NBEA: variants seen among roughly 807,000 people sequenced by gnomAD.
NBEA encodes the protein lysosomal-trafficking regulator 2.
In NBEA, 44 loss-of-function variants were observed where a neutral mutation model predicts 343.4. That is an observed-to-expected ratio of 0.13 (90% CI 0.10 to 0.16). The LOEUF (loss-of-function observed/expected upper bound fraction) is 0.16. Ranked by LOEUF, NBEA falls within the 10% of genes least tolerant of loss-of-function variation. The pLI, the probability that NBEA is intolerant of heterozygous loss-of-function variation, is 1.00. For synonymous variants in NBEA, 1,175 were observed against 1,238.7 expected (o/e 0.95, Z 1.08); for missense variants, 2,555 against 3,631.3 (o/e 0.70, Z 7.62).
At chr13:35,143,572 A>G (rs1352725575) in intron 18 of NBEA, among the ~76,000 whole-genome samples, 1 of 152,224 alleles carries the variant, frequency 6.6e-6, no homozygotes, top group Non-Finnish European at 1.5e-5. Context: ...GTACTACTAA[A>G]TATCCATAAT....
At chr13:35,436,044 T>A (rs1162796661) in intron 39 of NBEA, among the ~76,000 whole-genome samples, 1 of 151,726 alleles carries the variant, frequency 6.6e-6, no homozygotes, top group African/African-American at 2.4e-5. Context: ...AATATAATAT[T>A]GTGGGAAGAC....
chr13:35,059,521 T>C (rs1439174327), intron 8 of NBEA, among the ~76,000 whole-genome samples: 1 of 151,894 alleles, frequency 6.6e-6, no homozygotes, highest in Admixed American at 6.6e-5. Context: ...CATTGGGAAT[T>C]GTAAAGTCTC....
intron 38 of NBEA, among the ~76,000 whole-genome samples, chr13:35,401,331 T>C (rs181772700): frequency 1.5e-3 from 223 of 152,078 alleles, no homozygotes; most frequent in Admixed American, 3.5e-3. Context: ...CCCTGCCTCA[T>C]AGTAAATGAT....
Position 35,208,713 on chromosome 13 carries a change from C to G in NBEA, c.5380C>G (p.Pro1794Ala). The change falls in exon 32 of 59, where the codon CCT becomes GCT. Residue 1794 changes from proline to alanine, a missense_variant. This residue lies in a region of NBEA where 270 missense variants were observed against 293.3 expected (regional missense o/e 0.92). Coordinates refer to ENST00000379939, the MANE Select transcript of NBEA (RefSeq NM_001385012.1). ...FHSFDRSVVVPVKKPPPGSLA... is the reference protein window; with the variant it reads ...FHSFDRSVVVAVKKPPPGSLA... ...ATTTCTTTGCAGGAGTGTTGTGGTG[C>G]CTGTAAAGAAACCACCTCCAGGTAG... 1 of 1,596,668 alleles carries G rather than the reference C, an allele frequency of 6.3e-7. No homozygotes were observed. Among genetic ancestry groups the G allele is most frequent in the East Asian group, 2.3e-5 (1 of 44,386 alleles).
intron 38 of NBEA, among the ~76,000 whole-genome samples, chr13:35,392,695 C>G (rs1405174702): frequency 6.6e-6 from 1 of 152,130 alleles, no homozygotes; most frequent in Non-Finnish European, 1.5e-5. Flanking sequence ...AAGAACCGTG[C>G]TAACGGTACA....
intron 38 of NBEA, among the ~76,000 whole-genome samples, chr13:35,356,146 G>C (rs1317397836): frequency 1.3e-5 from 2 of 151,934 alleles, no homozygotes; most frequent in Non-Finnish European, 2.9e-5. Context: ...ACCTATCATG[G>C]AATAATAGAA....
At chr13:35,014,002 T>G (rs1435464464) in intron 1 of NBEA, among the ~76,000 whole-genome samples, 1 of 152,198 alleles carries the variant, frequency 6.6e-6, no homozygotes, top group African/African-American at 2.4e-5. Flanking sequence ...GTTAAATGCC[T>G]GACCCGTTTA....
chr13:35,412,366 G>T (rs186599826), intron 38 of NBEA, among the ~76,000 whole-genome samples: 60 of 152,210 alleles, frequency 3.9e-4, no homozygotes, highest in African/African-American at 1.4e-3. Flanking sequence ...AACATATTTT[G>T]TAATCATGTT....
At chr13:34,950,808 G>T (rs1220511741) in intron 1 of NBEA, among the ~76,000 whole-genome samples, 2 of 152,070 alleles carry the variant, frequency 1.3e-5, no homozygotes, top group Non-Finnish European at 2.9e-5. Context: ...GAAATGACCA[G>T]CTGGTCATGG....
intron 1 of NBEA, among the ~76,000 whole-genome samples, chr13:34,995,374 T>G (rs1212172889): frequency 6.6e-6 from 1 of 151,694 alleles, no homozygotes; most frequent in Non-Finnish European, 1.5e-5. Flanking sequence ...GGAGCTGAGA[T>G]TGTGCCACTG....
At chr13:35,627,802 ATAT>A (rs2153065370) in intron 48 of NBEA, among the ~76,000 whole-genome samples, 1 of 152,274 alleles carries the variant, frequency 6.6e-6, no homozygotes, top group East Asian at 1.9e-4. Context: ...ATGTTAAATC[ATAT>A]TATGTACCTA....
intron 35 of NBEA, among the ~76,000 whole-genome samples, chr13:35,297,485 T>C (rs942748142): frequency 6.6e-6 from 1 of 152,048 alleles, no homozygotes; most frequent in African/African-American, 2.4e-5. Context: ...ATGGAGAAAA[T>C]AAGTATTGTA....
chr13:35,413,330 A>G (rs776467169), intron 38 of NBEA, among the ~76,000 whole-genome samples: 38 of 152,168 alleles, frequency 2.5e-4, no homozygotes, highest in Non-Finnish European at 4.6e-4. Flanking sequence ...CTTGTAGCCA[A>G]AGGGAAATTC....
chr13:35,131,440 G>A (rs1228004657), intron 17 of NBEA, among the ~76,000 whole-genome samples: 1 of 152,070 alleles, frequency 6.6e-6, no homozygotes. Flanking sequence ...ATTAACAAAG[G>A]AGAATAGCTA....
intron 10 of NBEA, among the ~76,000 whole-genome samples, chr13:35,080,454 C>A (rs1430210176): frequency 6.6e-6 from 1 of 152,096 alleles, no homozygotes; most frequent in African/African-American, 2.4e-5. Flanking sequence ...AGGTTATGAG[C>A]AAAACCTCTG....
Position 35,313,835 on chromosome 13 carries a change from A to G in NBEA, c.5903+4243A>G, listed in dbSNP as rs78860530. Among the ~76,000 whole-genome samples the G allele has an allele frequency of 9.9e-3, 1,501 of 152,330 alleles. 27 individuals carry two copies. The highest frequency in any genetic ancestry group is 0.034 in the African/African-American group (1,428 of 41,578). On this transcript the variant is annotated intron_variant, in intron 36 of 58. Transcript: ENST00000379939. ...TTGCTTTGAGTTGAAGAGCTAGCCC[A>G]AAATGAAATACAGACAGCAAGTACT...
chr13:35,335,440 G>T lies in NBEA; in HGVS notation c.5904-13668G>T, dbSNP rs143318204. On this transcript the variant is annotated intron_variant, in intron 36 of 58. Transcript: ENST00000379939. ...TCTGTAGATTGCTCTGGATAGTATG[G>T]TCATTTTAACACTGTTGATTCTTCC... 2.0e-5 allele frequency among the ~76,000 whole-genome samples: 3 copies of T among 152,124 alleles called. No individual in the cohort carries two copies. The East Asian group carries it at 5.8e-4, about 29-fold the overall frequency.
chr13:35,069,853 T>C lies in NBEA; in HGVS notation c.1240-55T>C, dbSNP rs796544073. ...TAAATGTTTCTCTGCTTTAAAACTTTTGAGTGTAATTGTTGCTTTTAAAAA... is the reference window on the plus strand; with the variant it reads ...TAAATGTTTCTCTGCTTTAAAACTTCTGAGTGTAATTGTTGCTTTTAAAAA... On this transcript the variant is annotated intron_variant, in intron 8 of 58. Transcript: ENST00000379939. The C allele has an allele frequency of 9.5e-6, 12 of 1,269,358 alleles. 1 individual carries two copies. The African/African-American group carries it at 1.5e-4, about 16-fold the overall frequency. The allele number at this position is 1,269,358 out of a possible 1,614,324, so 78.6% of individuals were successfully genotyped here.
At chr13:35,296,832 A>G (rs942981649) in intron 35 of NBEA, among the ~76,000 whole-genome samples, 2 of 151,908 alleles carry the variant, frequency 1.3e-5, no homozygotes, top group Non-Finnish European at 2.9e-5. Context: ...ACATATTTCA[A>G]TATGCTTTAT....
Sources: gnomAD v4.1 joint callset for allele counts (sites outside exome capture counted in the v4.1 genomes callset) on GRCh38, gnomAD v4.1.1 for gene constraint, gnomAD v4.1.1 regional missense constraint, MANE v1.5 for transcripts, NCBI Gene and HGNC (gene_info 2026-07-23, HGNC 2026-07-21) for gene names.